Variants in CCDC47 observed in about 807,000 individuals in gnomAD.
CCDC47 encodes PAT complex subunit CCDC47.
Under a neutral mutation model 60.5 loss-of-function variants are expected in CCDC47, and 41 were observed. The ratio of observed to expected loss-of-function variants is 0.68; its 90% CI spans 0.53 to 0.88. The LOEUF (loss-of-function observed/expected upper bound fraction) is 0.88. CCDC47 is among the 40% of genes least tolerant of loss of function. The probability of loss-of-function intolerance (pLI) is 0.00; values close to 1 mark genes in which losing one functional copy is unlikely to be tolerated. For synonymous variants in CCDC47, 195 were observed against 190.7 expected, an observed-to-expected ratio of 1.02 and a Z score of -0.18; for missense variants, 513 against 580.9, an observed-to-expected ratio of 0.88 and a Z score of 1.20.
intron 12 of CCDC47, among the ~76,000 whole-genome samples, chr17:63,749,747 CAAA>C (rs773330267): frequency 9.2e-6 from 1 of 108,148 alleles, no homozygotes. Context: ...GACTCTGTCT[CAAA>C]AAAAAAAAAA....
intron 9 of CCDC47, chr17:63,753,748 C>T (rs1215363775): frequency 1.6e-5 from 5 of 305,118 alleles, no homozygotes; most frequent in African/African-American, 9.0e-5. Flanking sequence ...CCATAAATTA[C>T]AAAACACACA....
At position 63,761,229 on chromosome 17, in the gene CCDC47, C is replaced by T. The variant is rs111610049; in HGVS notation, c.669+1G>A. The T allele has an allele frequency of 6.2e-7, 1 of 1,614,050 alleles. No homozygotes were observed. Among genetic ancestry groups the T allele is most frequent in the Non-Finnish European group, 8.5e-7 (1 of 1,179,980 alleles). ...TATCGTACAAGAAGTTTCCTACTTA[C>T]CCTCAGCTGGATAAGCATGCCCTCA... On this transcript the variant is annotated splice_donor_variant, in intron 5 of 12. Transcript: ENST00000225726. LOFTEE classifies it high-confidence loss of function.
At chr17:63,755,205 G>T in intron 8 of CCDC47, 2 of 692,836 alleles carry the variant, frequency 2.9e-6, no homozygotes, top group Non-Finnish European at 3.6e-6. Context: ...GGACTCAAGT[G>T]ATTCTCCTGC....
intron 12 of CCDC47, among the ~76,000 whole-genome samples, chr17:63,749,861 G>A (rs1233821506): frequency 2.6e-5 from 4 of 151,934 alleles, no homozygotes; most frequent in Non-Finnish European, 4.4e-5. Context: ...AGGCCGAAGC[G>A]GGAGGATGGC....
At chr17:63,759,085 A>T (rs1240736256) in intron 6 of CCDC47, among the ~76,000 whole-genome samples, 1 of 152,200 alleles carries the variant, frequency 6.6e-6, no homozygotes, top group Non-Finnish European at 1.5e-5. Context: ...AAAGGATGAC[A>T]GAAATATTAA....
intron 1 of CCDC47, among the ~76,000 whole-genome samples, chr17:63,769,828 A>T (rs1330724507): frequency 6.6e-6 from 1 of 152,148 alleles, no homozygotes; most frequent in Non-Finnish European, 1.5e-5. Flanking sequence ...GCCACATTCA[A>T]AGCTGTCCTG....
intron 3 of CCDC47, 42 bp from the exon 4 acceptor site, chr17:63,764,232 G>A: frequency 2.8e-6 from 4 of 1,446,176 alleles, no homozygotes; most frequent in South Asian, 2.7e-5. Flanking sequence ...GGCTGAGACT[G>A]AAGAATGAAA....
At chr17:63,772,443 C>T (rs1312840801) in intron 1 of CCDC47, among the ~76,000 whole-genome samples, 1 of 151,872 alleles carries the variant, frequency 6.6e-6, no homozygotes, top group Admixed American at 6.6e-5. Context: ...TTAGTAGAGA[C>T]GGGGTTTCAC....
In CCDC47 at chr17:63,756,510, G is replaced by A. The variant is rs745411083; in HGVS notation, c.796C>T (p.Arg266Trp). ...TTCTGTAGTCGCACCAAGGCTTTCC[G>A]TGTGCCAACAGCAAATACGTAGGTA... is the stretch of plus-strand genomic sequence containing the variant. ...MDTYVFAVGT[R>W]KALVRLQKEM... The change falls in exon 7 of 13, where the codon CGG becomes TGG. Residue 266 changes from arginine to tryptophan, a missense_variant. By Grantham distance (101) the Arg-to-Trp change is moderately radical. Transcript: ENST00000225726. 22 of 1,613,870 alleles carry A rather than the reference G, an allele frequency of 1.4e-5. No individual in the cohort carries two copies. Among genetic ancestry groups the A allele is most frequent in the African/African-American group, 5.3e-5 (4 of 74,902 alleles).
chr17:63,759,544 TATA>T (rs2039238093), intron 6 of CCDC47, among the ~76,000 whole-genome samples: 1 of 20,212 alleles, frequency 4.9e-5, no homozygotes, highest in Non-Finnish European at 8.0e-5. Flanking sequence ...TATATATATA[TATA>T]TATATATATA....
chr17:63,767,091 G>T, intron 1 of CCDC47: 1 of 187,118 alleles, frequency 5.3e-6, no homozygotes, highest in Non-Finnish European at 1.0e-5. Context: ...CACTAATAAG[G>T]AAAATGGGGC....
intron 12 of CCDC47, among the ~76,000 whole-genome samples, chr17:63,749,898 C>T (rs945308935): frequency 2.6e-5 from 4 of 151,916 alleles, no homozygotes; most frequent in East Asian, 1.9e-4. Flanking sequence ...GAAGCTGCAG[C>T]GAGCTACGAT....
Position 63,754,454 on chromosome 17 carries a change from G to A in CCDC47, c.1013C>T (p.Ser338Phe). The A allele has an allele frequency of 6.2e-7, 1 of 1,605,520 alleles. No individual in the cohort carries two copies. Among genetic ancestry groups the A allele is most frequent in the Non-Finnish European group, 8.5e-7 (1 of 1,173,874 alleles). The change falls in exon 9 of 13, where the codon TCT becomes TTT. Residue 338 changes from serine to phenylalanine, a missense_variant. Transcript: ENST00000225726. ...GTACTCTTGCATAATTTTTGGACCA[G>A]AGAACTGGTCTGAAAAATGAACAGA... is the stretch of plus-strand genomic sequence containing the variant. ...IESVHFSDQFSGPKIMQEEGQ... is the reference protein window; with the variant it reads ...IESVHFSDQFFGPKIMQEEGQ...
rs1568249072 is a variant in CCDC47 at position 63,759,511 on chromosome 17, ATATATATATATATATTTATATAT to A, written c.735+1380_735+1402del. 2.3e-3 allele frequency among the ~76,000 whole-genome samples: 53 copies of A among 23,440 alleles called. 15 individuals carry two copies. The highest frequency in any genetic ancestry group is 0.012 in the African/African-American group (43 of 3,524). 15.4% of individuals were successfully genotyped at this position (23,440 alleles called of 152,430 possible). A position where few individuals can be genotyped will look rare whatever the true frequency, so the allele number is the denominator to read the frequency against. On this transcript the variant is annotated intron_variant, in intron 6 of 12. Transcript: ENST00000225726. ...CTCCCAAAAAAAAAAAAAAAAAAATATATATATATATATATTTATATATATATATATATATATATATATATATA... is the reference window on the plus strand; with the variant it reads ...CTCCCAAAAAAAAAAAAAAAAAAATAATATATATATATATATATATATATA...
chr17:63,766,206 A>G lies in CCDC47; in HGVS notation c.-19-12T>C. On this transcript the variant is annotated splice_polypyrimidine_tract_variant and intron_variant, in intron 1 of 12. Coordinates refer to ENST00000225726, the MANE Select transcript of CCDC47 (RefSeq NM_020198.3). ...CTTGAGAAAAAAAGCTTAAAAAAAA[A>G]GAGAACCCCAAAATGGATTGCCATT... 2 of 1,582,882 alleles carry G rather than the reference A, an allele frequency of 1.3e-6. No homozygotes were observed. Among genetic ancestry groups the G allele is most frequent in the South Asian group, 1.2e-5 (1 of 85,288 alleles).
At chr17:63,747,072 AT>A in intron 12 of CCDC47, 111 bp from the exon 13 acceptor site, 1 of 1,463,146 alleles carries the variant, frequency 6.8e-7, no homozygotes, top group Non-Finnish European at 9.0e-7. Context: ...TGCCTATAGT[AT>A]TATTCAAAAA....
intron 8 of CCDC47, 136 bp from the exon 9 acceptor site, chr17:63,754,654 C>A: frequency 1.8e-6 from 1 of 563,114 alleles, no homozygotes; most frequent in Admixed American, 3.3e-5. Flanking sequence ...AGGTGGATTA[C>A]TTGAGGCAAG....
rs1049471274 is a variant in CCDC47, at chr17:63,751,978, T to C, written c.1333A>G (p.Met445Val). 1 of 1,613,862 alleles carries C rather than the reference T, an allele frequency of 6.2e-7. No homozygotes were observed. The highest frequency in any genetic ancestry group is 8.5e-7 in the Non-Finnish European group (1 of 1,180,028). Residue 445 changes from methionine to valine, a missense_variant, in exon 12 of 13, where the codon ATG becomes GTG. Met to Val is a conservative substitution (Grantham distance 21). Transcript: ENST00000225726. ...EKKRAEKERI[M>V]NEEDPEKQRR... ...TGTTTCTCAGGATCTTCCTCATTCA[T>C]GATTCGCTCCTTCTCTGCTCTTTTT...
chr17:63,760,062 C>CAAAAAAAAAAA (rs10643408), intron 6 of CCDC47, among the ~76,000 whole-genome samples: 21 of 98,386 alleles, frequency 2.1e-4, no homozygotes, highest in African/African-American at 3.5e-4. Context: ...GACTCCGTCT[C>CAAAAAAAAAAA]AAAAAAAAAA....
Sources: gnomAD v4.1 joint callset for allele counts (sites outside exome capture counted in the v4.1 genomes callset) on GRCh38, gnomAD v4.1.1 for gene constraint, MANE v1.5 for transcripts, NCBI Gene and HGNC (gene_info 2026-07-23, HGNC 2026-07-21) for gene names.